Variants in FBL observed in about 807,000 individuals in gnomAD.
FBL encodes fibrillarin rRNA 2'-O-methyltransferase, also known as rRNA 2'-O-methyltransferase fibrillarin.
A neutral mutation model predicts 42.2 loss-of-function variants in FBL; 10 were observed. The observed-to-expected ratio is 0.24, with a 90% CI of 0.15 to 0.40. The LOEUF (loss-of-function observed/expected upper bound fraction) is 0.40. Among genes scored for constraint, FBL ranks in the 10% least tolerant of loss-of-function variants. FBL has a pLI of 1.00. For synonymous variants in FBL, 165 were observed against 165.4 expected, an observed-to-expected ratio of 1.00 and a Z score of 0.02; for missense variants, 351 against 439.2, an observed-to-expected ratio of 0.80 and a Z score of 1.79.
At chr19:39,838,874 T>C (rs1044309368) in intron 5 of FBL, 161 bp downstream of exon 5, 1 of 657,436 alleles carries the variant, frequency 1.5e-6, no homozygotes, top group Non-Finnish European at 2.6e-6. Context: ...TTGAATGACA[T>C]TATCTGGTTC....
rs1484052585 is a variant in FBL at position 39,840,347 on chromosome 19, C to G, written c.284-20G>C. 1 of 1,612,816 alleles carries G rather than the reference C, an allele frequency of 6.2e-7. No homozygotes were observed. Among genetic ancestry groups the G allele is most frequent in the Admixed American group, 1.7e-5 (1 of 60,020 alleles). ...AGACACCTGGGTGAGGGGATCAGAG[C>G]AGGGGTGAGGACCCCCAGCCTCTCC... On this transcript the variant is annotated intron_variant, in intron 3 of 8. Coordinates refer to ENST00000221801, the MANE Select transcript of FBL (RefSeq NM_001436.4). The surrounding 1 kb of genome is among the most constrained non-coding windows in gnomAD (Gnocchi z 4.5).
rs1466318992 is a variant in FBL, at chr19:39,840,548, T to G, written c.182-33A>C. 6.2e-7 allele frequency: 1 copy of G among 1,613,382 alleles called. No individual in the cohort carries two copies. The highest frequency in any genetic ancestry group is 1.1e-5 in the South Asian group (1 of 91,052). On this transcript the variant is annotated intron_variant, in intron 2 of 8. Transcript: ENST00000221801. This position sits in a 1 kb window ranked among gnomAD's most constrained non-coding sequence, Gnocchi z 4.5. ...GGAGAGGTACAACAGGAGAGAAAGA[T>G]CCTGAATCTCCGCCCTCCCCACTCC...
At chr19:39,836,070 G>C (rs1348121709) in intron 7 of FBL, among the ~76,000 whole-genome samples, 1 of 152,032 alleles carries the variant, frequency 6.6e-6, no homozygotes, top group Non-Finnish European at 1.5e-5. Flanking sequence ...TTTAATAATA[G>C]TAATAATGCA....
chr19:39,836,490 TAC>T, intron 7 of FBL, 64 bp downstream of exon 7: 1 of 1,059,092 alleles, frequency 9.4e-7, no homozygotes, highest in Non-Finnish European at 1.4e-6. Flanking sequence ...ATTTGACAGA[TAC>T]AGATAGAGAA....
At chr19:39,836,492 C>A in intron 7 of FBL, 64 bp downstream of exon 7, 4 of 1,073,530 alleles carry the variant, frequency 3.7e-6, no homozygotes, top group Non-Finnish European at 5.6e-6. Context: ...TTGACAGATA[C>A]AGATAGAGAA....
At chr19:39,842,164 C>T (rs1969174889) in intron 1 of FBL, among the ~76,000 whole-genome samples, 1 of 151,862 alleles carries the variant, frequency 6.6e-6, no homozygotes, top group Admixed American at 6.6e-5. Flanking sequence ...CGGCTCACTG[C>T]AAGCTCCACC....
rs113992422 is a variant in FBL at position 39,845,657 on chromosome 19, T to C, written c.10+634A>G. ...CTAATGCCGAGCTTGTTAAGTCTCG[T>C]CCCGGAGGTGGAAATCTTAATCCCC... On this transcript the variant is annotated intron_variant, in intron 1 of 8. Coordinates refer to ENST00000221801, the MANE Select transcript of FBL (RefSeq NM_001436.4). Among the ~76,000 whole-genome samples the C allele has an allele frequency of 3.4e-3, 517 of 152,286 alleles. 4 individuals carry two copies. Among genetic ancestry groups the C allele is most frequent in the African/African-American group, 0.012 (497 of 41,546 alleles).
At chr19:39,844,687 C>A (rs537719526) in intron 1 of FBL, among the ~76,000 whole-genome samples, 1 of 152,330 alleles carries the variant, frequency 6.6e-6, no homozygotes, top group East Asian at 1.9e-4. Flanking sequence ...CCTGGTCCAC[C>A]ACACCATCTC....
chr19:39,841,553 T>G (rs1969164601), intron 1 of FBL, among the ~76,000 whole-genome samples: 1 of 152,216 alleles, frequency 6.6e-6, no homozygotes, highest in Non-Finnish European at 1.5e-5. Context: ...TATTAATTAC[T>G]GTGAAGAGTG....
intron 7 of FBL, among the ~76,000 whole-genome samples, chr19:39,835,611 G>C (rs929787159): frequency 1.3e-5 from 2 of 152,190 alleles, no homozygotes; most frequent in Non-Finnish European, 2.9e-5. Flanking sequence ...CTCGGGTTTA[G>C]GAAATGTGAT....
rs745547248 is a variant in FBL, at chr19:39,840,440, A to C, written c.257T>G (p.Val86Gly). The change falls in exon 3 of 9, where the codon GTG (valine) becomes GGG (glycine). Residue 86 changes from valine (V) to glycine (G), a missense_variant. Physicochemically the swap from Val to Gly is moderately radical, Grantham distance 109. Transcript: ENST00000221801. This position sits in a 1 kb window ranked among gnomAD's most constrained non-coding sequence, Gnocchi z 4.5. The stretch of plus-strand genomic sequence containing the variant: ...CTCATGCCGATGCGGCTCCACCATC[A>C]CATTCTTCCCCGACTGGTTTCCTCT... ...GKRGNQSGKN[V>G]MVEPHRHEGV... 2 of 1,613,684 alleles carry C rather than the reference A, an allele frequency of 1.2e-6. No homozygotes were observed. The highest frequency in any genetic ancestry group is 3.3e-5 in the Admixed American group (2 of 59,988).
At chr19:39,845,060 G>C (rs1301902026) in intron 1 of FBL, among the ~76,000 whole-genome samples, 1 of 152,164 alleles carries the variant, frequency 6.6e-6, no homozygotes, top group Non-Finnish European at 1.5e-5. Context: ...ACACGGAAGA[G>C]AAAGGGAACT....
At chr19:39,842,840 C>T (rs1441141527) in intron 1 of FBL, among the ~76,000 whole-genome samples, 1 of 152,210 alleles carries the variant, frequency 6.6e-6, no homozygotes, top group Admixed American at 6.5e-5. Context: ...GTATCATCAT[C>T]CTAAGGATCT....
In FBL at chr19:39,846,352, G is replaced by C. The variant is rs763824396; in HGVS notation, c.-52C>G. 1.2e-6 allele frequency: 2 copies of C among 1,608,796 alleles called. No homozygotes were observed. Among genetic ancestry groups the C allele is most frequent in the East Asian group, 4.5e-5 (2 of 44,508 alleles). On this transcript the variant is annotated 5_prime_UTR_variant, in exon 1 of 9. Transcript: ENST00000221801. ...GAGTCCGCGGCGTTCACAACTCCAC[G>C]AGTCCGGGGCTTTCGCACGTGGAAA...
At chr19:39,837,047 A>G (rs1247921023) in intron 6 of FBL, among the ~76,000 whole-genome samples, 1 of 152,242 alleles carries the variant, frequency 6.6e-6, no homozygotes, top group African/African-American at 2.4e-5. Flanking sequence ...GAGTGTCCGC[A>G]GGACTGTGAA....
chr19:39,844,573 C>G (rs1969224258), intron 1 of FBL, among the ~76,000 whole-genome samples: 1 of 152,178 alleles, frequency 6.6e-6, no homozygotes, highest in African/African-American at 2.4e-5. Context: ...GTTACACACC[C>G]CCAAACCCTT....
chr19:39,842,393 T>C (rs763801716), intron 1 of FBL, among the ~76,000 whole-genome samples: 5 of 152,234 alleles, frequency 3.3e-5, no homozygotes, highest in Admixed American at 6.5e-5. Flanking sequence ...GCCTTGCTCA[T>C]GTTTTTTGTA....
intron 1 of FBL, among the ~76,000 whole-genome samples, chr19:39,841,754 C>A (rs1407895215): frequency 1.3e-5 from 2 of 152,214 alleles, no homozygotes; most frequent in Non-Finnish European, 2.9e-5. Context: ...TCCCTCTCAG[C>A]TCAGGGGAAA....
At chr19:39,843,566 TCAAGACCAGC>T (rs1311010413) in intron 1 of FBL, among the ~76,000 whole-genome samples, 3 of 152,078 alleles carry the variant, frequency 2.0e-5, no homozygotes, top group Non-Finnish European at 2.9e-5. Context: ...GGCCAGGAGT[TCAAGACCAGC>T]CTGGCCAACA....
Sources: gnomAD v4.1 joint callset for allele counts (sites outside exome capture counted in the v4.1 genomes callset) on GRCh38, gnomAD v4.1.1 for gene constraint, Gnocchi (gnomAD v3.1) non-coding constraint, MANE v1.5 for transcripts, NCBI Gene and HGNC (gene_info 2026-07-23, HGNC 2026-07-21) for gene names.